The following CNTNAP2 variants were observed in gnomAD, a reference collection of about 807,000 sequenced individuals.
CNTNAP2 encodes contactin-associated protein-like 2.
In CNTNAP2, 98 loss-of-function variants were observed where a neutral mutation model predicts 155.2. That is an observed-to-expected ratio of 0.63 (90% CI 0.54 to 0.75). The LOEUF (loss-of-function observed/expected upper bound fraction) is 0.75. Among genes scored for constraint, CNTNAP2 ranks in the 30% least tolerant of loss-of-function variants. The pLI, the probability that CNTNAP2 is intolerant of heterozygous loss-of-function variation, is 0.00. For missense variants in CNTNAP2, 1,727 were observed against 1,688.1 expected, an observed-to-expected ratio of 1.02 and a Z score of -0.40; for synonymous variants, 651 against 631.2, an observed-to-expected ratio of 1.03 and a Z score of -0.47.
chr7:146,638,915 A>G (rs189860351), intron 1 of CNTNAP2, among the ~76,000 whole-genome samples: 18 of 152,312 alleles, frequency 1.2e-4, no homozygotes, highest in Admixed American at 8.5e-4. Context: ...GCTGTATGGT[A>G]TAACCTATGG....
Position 147,868,382 on chromosome 7 carries a change from G to A in CNTNAP2, c.2099-35183G>A, listed in dbSNP as rs553859521. ...TGCCTGCCTATATGAGGTGTCTGTC[G>A]GCCCATACTGGGAGGTGTCTCCCAG... On this transcript the variant is annotated intron_variant, in intron 13 of 23. Coordinates refer to ENST00000361727, the MANE Select transcript of CNTNAP2 (RefSeq NM_014141.6). Among the ~76,000 whole-genome samples the A allele has an allele frequency of 9.2e-5, 14 of 152,212 alleles. No homozygotes were observed. The East Asian group carries it at 1.4e-3, about 15-fold the overall frequency.
At chr7:146,388,356 G>C (rs541846652) in intron 1 of CNTNAP2, among the ~76,000 whole-genome samples, 1 of 152,108 alleles carries the variant, frequency 6.6e-6, no homozygotes, top group East Asian at 1.9e-4. Context: ...GATCACCTGA[G>C]CCCGGGAGGT....
intron 17 of CNTNAP2, among the ~76,000 whole-genome samples, chr7:148,161,218 C>T (rs1212706321): frequency 3.9e-5 from 6 of 152,192 alleles, no homozygotes; most frequent in African/African-American, 7.2e-5. Context: ...GGCACCATAA[C>T]GCAGGTGTCT....
intron 2 of CNTNAP2, among the ~76,000 whole-genome samples, chr7:146,823,782 T>C (rs1803344856): frequency 6.6e-6 from 1 of 152,074 alleles, no homozygotes; most frequent in Admixed American, 6.6e-5. Flanking sequence ...TCAAAAACTA[T>C]GACATGTTTT....
intron 15 of CNTNAP2, among the ~76,000 whole-genome samples, chr7:148,061,739 T>C (rs1286124047): frequency 6.6e-6 from 1 of 151,962 alleles, no homozygotes; most frequent in Non-Finnish European, 1.5e-5. Context: ...CAAATATAAA[T>C]CATCTATTCA....
At chr7:146,925,101 T>A (rs149501960) in intron 3 of CNTNAP2, among the ~76,000 whole-genome samples, 14 of 152,248 alleles carry the variant, frequency 9.2e-5, no homozygotes, top group African/African-American at 3.1e-4. Context: ...CCTTTTAAAA[T>A]TTCTCTGTTT....
intron 10 of CNTNAP2, among the ~76,000 whole-genome samples, chr7:147,479,215 T>C (rs907948100): frequency 2.0e-5 from 3 of 152,376 alleles, no homozygotes; most frequent in Non-Finnish European, 4.4e-5. Context: ...CTTTCAAAGA[T>C]TTGTTATTCC....
At chr7:148,327,508 C>T (rs566094455) in intron 21 of CNTNAP2, among the ~76,000 whole-genome samples, 2 of 151,726 alleles carry the variant, frequency 1.3e-5, no homozygotes, top group East Asian at 4.1e-4. Flanking sequence ...TTTGTAAAAA[C>T]CCTGTTGTAA....
At chr7:146,567,822 G>T (rs963016495) in intron 1 of CNTNAP2, among the ~76,000 whole-genome samples, 2 of 152,130 alleles carry the variant, frequency 1.3e-5, no homozygotes, top group Non-Finnish European at 2.9e-5. Context: ...CCGGGTTCAG[G>T]CCATTCTCCT....
chr7:147,525,134 A>G (rs1799295764), intron 11 of CNTNAP2, among the ~76,000 whole-genome samples: 1 of 152,198 alleles, frequency 6.6e-6, no homozygotes, highest in Non-Finnish European at 1.5e-5. Flanking sequence ...CTTATTCTTA[A>G]TTTTTGCTTA....
intron 10 of CNTNAP2, among the ~76,000 whole-genome samples, chr7:147,410,057 G>A (rs758966270): frequency 6.6e-6 from 1 of 152,192 alleles, no homozygotes; most frequent in Non-Finnish European, 1.5e-5. Context: ...TACTGGGTAT[G>A]TAACCAAAGA....
At chr7:147,439,752 C>A (rs1034206249) in intron 10 of CNTNAP2, among the ~76,000 whole-genome samples, 23 of 152,102 alleles carry the variant, frequency 1.5e-4, no homozygotes, top group Non-Finnish European at 2.1e-4. Flanking sequence ...CTTTATATAT[C>A]TGGGTGCTCC....
At chr7:146,907,684 T>C (rs1315261682) in intron 3 of CNTNAP2, among the ~76,000 whole-genome samples, 20 of 150,354 alleles carry the variant, frequency 1.3e-4, no homozygotes, top group East Asian at 2.0e-4. Flanking sequence ...CGGTACCAGC[T>C]GCTGCAAAAT....
rs965723998 is a variant in CNTNAP2, at chr7:146,910,770, A to G, written c.402+70866A>G. ...GCAAGGACTTCATGTCTAAAACACC[A>G]AAAGCAATGGCAACAAAAGCCAAAA... is the stretch of plus-strand genomic sequence containing the variant. On this transcript the variant is annotated intron_variant, in intron 3 of 23. Coordinates refer to ENST00000361727, the MANE Select transcript of CNTNAP2 (RefSeq NM_014141.6). Among the ~76,000 whole-genome samples, 370 of 148,940 alleles carry G rather than the reference A, an allele frequency of 2.5e-3. 5 individuals are homozygous for G. Among genetic ancestry groups the G allele is most frequent in the Non-Finnish European group, 4.2e-3 (279 of 66,712 alleles).
Position 146,300,364 on chromosome 7 carries a change from C to T in CNTNAP2, c.97+183391C>T, listed in dbSNP as rs150406916. 5.8e-4 allele frequency among the ~76,000 whole-genome samples: 88 copies of T among 151,476 alleles called. 1 individual carries two copies. The highest frequency in any genetic ancestry group is 2.0e-3 in the African/African-American group (85 of 41,470). On this transcript the variant is annotated intron_variant, in intron 1 of 23. Transcript: ENST00000361727. ...TATGTGGTGGACATGAAAGCAATTT[C>T]TGTGAGTTTAACCAATGGAAAATTG...
At chr7:147,862,123 T>C (rs6979528) in intron 13 of CNTNAP2, among the ~76,000 whole-genome samples, 1 of 151,908 alleles carries the variant, frequency 6.6e-6, no homozygotes, top group South Asian at 2.1e-4. Flanking sequence ...GCAAACCACT[T>C]CAAGGAAGCT....
intron 12 of CNTNAP2, among the ~76,000 whole-genome samples, chr7:147,585,775 A>ATGTG (rs10550468): frequency 5.3e-5 from 8 of 151,330 alleles, no homozygotes; most frequent in Admixed American, 2.0e-4. Context: ...GTGTATATAT[A>ATGTG]TGTGTGTGTG....
At chr7:148,124,009 T>G (rs1480754219) in intron 16 of CNTNAP2, among the ~76,000 whole-genome samples, 1 of 152,162 alleles carries the variant, frequency 6.6e-6, no homozygotes, top group East Asian at 1.9e-4. Flanking sequence ...GTGGTTTTGT[T>G]CATTCTAGTT....
At chr7:147,011,396 A>G in intron 3 of CNTNAP2, among the ~76,000 whole-genome samples, 1 of 145,282 alleles carries the variant, frequency 6.9e-6, no homozygotes. Context: ...TCCAGCCTGG[A>G]CAACTGAATG....
Sources: allele counts gnomAD v4.1 joint callset (sites outside exome capture counted in the v4.1 genomes callset), GRCh38; gene constraint gnomAD v4.1.1; transcripts MANE v1.5; gene names NCBI Gene and HGNC (gene_info 2026-07-23, HGNC 2026-07-21).